UBE3B: variants seen among roughly 807,000 people sequenced by gnomAD.
UBE3B encodes ubiquitin protein ligase E3B.
Under a neutral mutation model 132.3 loss-of-function variants are expected in UBE3B, and 80 were observed. The ratio of observed to expected loss-of-function variants is 0.60; its 90% CI spans 0.50 to 0.73. The LOEUF is 0.73. UBE3B is among the 30% of genes least tolerant of loss of function. The pLI is 0.00. For missense variants in UBE3B, 1,196 were observed against 1,362.5 expected, an observed-to-expected ratio of 0.88 and a Z score of 1.92; for synonymous variants, 487 against 520.4, an observed-to-expected ratio of 0.94 and a Z score of 0.87.
Position 109,534,363 on chromosome 12 carries a change from T to A in UBE3B, c.3016-228T>A. 2.1e-6 allele frequency: 3 copies of A among 1,416,918 alleles called. No homozygotes were observed. The highest frequency in any genetic ancestry group is 2.7e-6 in the Non-Finnish European group (3 of 1,091,486). The allele number at this position is 1,416,918 out of a possible 1,614,324, so 87.8% of individuals were successfully genotyped here. A position where few individuals can be genotyped will look rare whatever the true frequency, so the allele number is the denominator to read the frequency against. On this transcript the variant is annotated intron_variant, in intron 27 of 27. Coordinates refer to ENST00000342494, the MANE Select transcript of UBE3B (RefSeq NM_130466.4). The surrounding 1 kb of genome is among the most constrained non-coding windows in gnomAD (Gnocchi z 5.2). ...GCCCCATTTCCAAAAGCTTACTTAG[T>A]GCAGGAATTCTCTGTGCAGGCCCCA... is the stretch of plus-strand genomic sequence containing the variant.
intron 6 of UBE3B, 106 bp downstream of exon 6, chr12:109,486,681 G>C: frequency 1.1e-6 from 1 of 899,376 alleles, no homozygotes; most frequent in Non-Finnish European, 1.6e-6. Context: ...ATCAACGAGA[G>C]TTGCTAGTTG....
At chr12:109,501,971 T>A (rs1388916583) in intron 13 of UBE3B, among the ~76,000 whole-genome samples, 1 of 152,096 alleles carries the variant, frequency 6.6e-6, no homozygotes, top group Admixed American at 6.6e-5. Flanking sequence ...GCCTCCAGCT[T>A]GTTCCACAAC....
At chr12:109,538,668 C>T (rs1339044391), downstream of UBE3B, among the ~76,000 whole-genome samples, 1 of 152,232 alleles carries the variant, frequency 6.6e-6, no homozygotes, top group Admixed American at 6.5e-5. The surrounding 1 kb of genome is among the most constrained non-coding windows in gnomAD (Gnocchi z 4.1). Flanking sequence ...GATTAAGCTT[C>T]CAGAGTGGCT....
intron 7 of UBE3B, among the ~76,000 whole-genome samples, chr12:109,489,170 G>A (rs891479476): frequency 6.6e-6 from 1 of 152,190 alleles, no homozygotes; most frequent in Non-Finnish European, 1.5e-5. Flanking sequence ...AAACAGAAAG[G>A]GGCATTGCCC....
chr12:109,486,617 C>T (rs772339726), intron 6 of UBE3B, 42 bp downstream of exon 6: 1 of 1,395,004 alleles, frequency 7.2e-7, no homozygotes, highest in Non-Finnish European at 9.7e-7. Flanking sequence ...AAACCAGAAA[C>T]AGTACGTATG....
rs144573357 is a variant in UBE3B, at chr12:109,530,633, C to A, written c.2897C>A (p.Pro966Gln). Reference sequence around the variant, plus strand: ...GATATTCTGGCCTCCGACTTCACACCGGATGAGAGAGCTATGTTTCTGAAG... The same window carrying A: ...GATATTCTGGCCTCCGACTTCACACAGGATGAGAGAGCTATGTTTCTGAAG... ...LWDILASDFT[P>Q]DERAMFLKFV... The change falls in exon 26 of 28, where the codon CCG (proline) becomes CAG (glutamine). Residue 966 changes from proline to glutamine, a missense_variant. By Grantham distance (76) the Pro-to-Gln change is moderately conservative (BLOSUM62 -1). Transcript: ENST00000342494. The A allele has an allele frequency of 1.2e-6, 2 of 1,614,164 alleles. No individual in the cohort carries two copies. Among genetic ancestry groups the A allele is most frequent in the African/African-American group, 1.3e-5 (1 of 75,056 alleles).
chr12:109,484,439 G>A (rs1876033066), intron 4 of UBE3B, among the ~76,000 whole-genome samples: 1 of 152,114 alleles, frequency 6.6e-6, no homozygotes, highest in African/African-American at 2.4e-5. Flanking sequence ...TCGCCAGGCT[G>A]GTGTGCAGTG....
chr12:109,539,453 C>T (rs532140729), downstream of UBE3B, among the ~76,000 whole-genome samples: 7 of 152,294 alleles, frequency 4.6e-5, no homozygotes, highest in Admixed American at 1.3e-4. Context: ...AGCATCCTGC[C>T]GCTGGGTGCA....
intron 27 of UBE3B, 199 bp downstream of exon 27, chr12:109,533,757 G>GC (rs1883192375): frequency 3.6e-6 from 3 of 826,486 alleles, no homozygotes; most frequent in Non-Finnish European, 6.0e-6. Context: ...CACGGACTCA[G>GC]CCCTCTCTCG....
At chr12:109,523,833 A>G in intron 21 of UBE3B, 145 bp from the exon 22 acceptor site, 1 of 1,147,216 alleles carries the variant, frequency 8.7e-7, no homozygotes, top group Non-Finnish European at 1.3e-6. Flanking sequence ...GGATGGGGAG[A>G]TACTGCCCTC....
intron 13 of UBE3B, among the ~76,000 whole-genome samples, chr12:109,502,774 G>T (rs1879159488): frequency 6.6e-6 from 1 of 152,194 alleles, no homozygotes; most frequent in Non-Finnish European, 1.5e-5. Context: ...TCCCATGTAA[G>T]ATTTGAATAT....
chr12:109,479,657 G>A (rs1055167664), intron 1 of UBE3B, among the ~76,000 whole-genome samples: 1 of 152,210 alleles, frequency 6.6e-6, no homozygotes, highest in Admixed American at 6.5e-5. Context: ...CACTGTGCAG[G>A]TGGAGAAGGT....
Position 109,530,622 on chromosome 12 carries a change from C to T in UBE3B, c.2886C>T (p.Ser962=), listed in dbSNP as rs12679. The T allele has an allele frequency of 0.028, 45,470 of 1,614,020 alleles. 3,072 individuals are homozygous for T. Among genetic ancestry groups the T allele is most frequent in the African/African-American group, 0.25 (18,467 of 74,966 alleles). Residue 962 remains serine (S), a synonymous_variant, in exon 26 of 28, where the codon TCC becomes TCT. Coordinates refer to ENST00000342494, the MANE Select transcript of UBE3B (RefSeq NM_130466.4). ...VIIWLWDILA[S]DFTPDERAMF... ...TCTGGCTCTGGGATATTCTGGCCTCCGACTTCACACCGGATGAGAGAGCTA... is the reference window on the plus strand; with the variant it reads ...TCTGGCTCTGGGATATTCTGGCCTCTGACTTCACACCGGATGAGAGAGCTA...
chr12:109,487,694 T>C (rs930860285), intron 6 of UBE3B, among the ~76,000 whole-genome samples: 1 of 152,212 alleles, frequency 6.6e-6, no homozygotes, highest in Non-Finnish European at 1.5e-5. Context: ...AGCTCTTCTA[T>C]TTTGGACAAA....
At chr12:109,542,858 C>T in the UBE3B span, among the ~76,000 whole-genome samples, 4 of 152,306 alleles carry the variant, frequency 2.6e-5, no homozygotes, top group South Asian at 2.1e-4. Flanking sequence ...CTTAAGTCCC[C>T]GAGTTTATGG....
At chr12:109,496,303 G>A (rs371000990) in intron 9 of UBE3B, among the ~76,000 whole-genome samples, 6 of 152,142 alleles carry the variant, frequency 3.9e-5, no homozygotes, top group Admixed American at 2.0e-4. Flanking sequence ...CATTTGAGTT[G>A]TTTCTACTTT....
At chr12:109,490,935 C>A in intron 8 of UBE3B, 110 bp from the exon 9 acceptor site, 1 of 1,246,350 alleles carries the variant, frequency 8.0e-7, no homozygotes, top group Non-Finnish European at 1.1e-6. Flanking sequence ...ATGCCTGGCT[C>A]ACAATACAGT....
At chr12:109,532,299 G>A (rs1883012949) in intron 26 of UBE3B, among the ~76,000 whole-genome samples, 2 of 152,150 alleles carry the variant, frequency 1.3e-5, no homozygotes, top group African/African-American at 4.8e-5. Flanking sequence ...GTCACAGTGT[G>A]GAAACACAAA....
intron 27 of UBE3B, 29 bp downstream of exon 27, chr12:109,533,587 C>T (rs1276971052): frequency 6.4e-7 from 1 of 1,566,324 alleles, no homozygotes; most frequent in East Asian, 2.2e-5. Context: ...TGGGGAAGAG[C>T]CTTGACTTCC....
Sources: allele counts gnomAD v4.1 joint callset (sites outside exome capture counted in the v4.1 genomes callset), GRCh38; gene constraint gnomAD v4.1.1; non-coding constraint Gnocchi (gnomAD v3.1); transcripts MANE v1.5; gene names NCBI Gene and HGNC (gene_info 2026-07-23, HGNC 2026-07-21).